Variants in NTRK3 observed in about 807,000 individuals in gnomAD.
NTRK3 encodes NT-3 growth factor receptor.
Under a neutral mutation model 91.7 loss-of-function variants are expected in NTRK3, and 24 were observed. The ratio of observed to expected loss-of-function variants is 0.26; its 90% CI spans 0.19 to 0.37. The LOEUF is 0.37. Ranked by LOEUF, NTRK3 falls within the 10% of genes least tolerant of loss-of-function variation. The pLI is 1.00. For synonymous variants in NTRK3, 483 were observed against 404.0 expected, an observed-to-expected ratio of 1.20 and a Z score of -2.34; for missense variants, 880 against 1,068.9, an observed-to-expected ratio of 0.82 and a Z score of 2.46.
Position 88,233,936 on chromosome 15 carries a change from G to A in NTRK3, c.248+21970C>T, listed in dbSNP as rs559225393. On this transcript the variant is annotated intron_variant, in intron 3 of 18. Coordinates refer to ENST00000394480, the Ensembl canonical transcript of NTRK3. This position sits in a 1 kb window ranked among gnomAD's most constrained non-coding sequence, Gnocchi z 4.2. The stretch of plus-strand genomic sequence containing the variant: ...AAATGTTGAGTCCCACTAGACATGC[G>A]TTGTTTCCTCTTTAATATTTAAACA... Among the ~76,000 whole-genome samples, 1 of 152,344 alleles carries A rather than the reference G, an allele frequency of 6.6e-6. No individual in the cohort carries two copies. The highest frequency in any genetic ancestry group is 2.4e-5 in the African/African-American group (1 of 41,572).
intron 5 of NTRK3, among the ~76,000 whole-genome samples, chr15:88,159,021 C>T (rs28592070): frequency 0.021 from 3,213 of 152,290 alleles, 123 homozygotes; most frequent in African/African-American, 0.072. Context: ...GCCAAGCCCC[C>T]GGGCTGAGAG....
rs750005677 is a variant in NTRK3, at chr15:88,181,897, A to G, written c.395+1521T>C. On this transcript the variant is annotated intron_variant, in intron 5 of 18. Transcript: ENST00000394480. ...CTTTGTGACCCTTGTATGAATTACT[A>G]TGAAAACGGAGACTTCTCAGATGTC... Among the ~76,000 whole-genome samples the G allele has an allele frequency of 1.5e-4, 23 of 152,234 alleles. 1 individual carries two copies. The highest frequency in any genetic ancestry group is 4.3e-4 in the African/African-American group (18 of 41,466).
intron 15 of NTRK3, among the ~76,000 whole-genome samples, chr15:87,939,611 A>T (rs8025262): frequency 6.6e-6 from 1 of 152,292 alleles, no homozygotes; most frequent in African/African-American, 2.4e-5. Flanking sequence ...TGATCCCTCA[A>T]TGCTAAGGAT....
At chr15:87,862,254 C>T (rs925860152) in exon 19 of NTRK3, 1 of 223,668 alleles carries the variant, frequency 4.5e-6, no homozygotes, top group African/African-American at 2.2e-5. Flanking sequence ...ATCTTAGACC[C>T]ACTCCCAAGT....
intron 14 of NTRK3, among the ~76,000 whole-genome samples, chr15:87,972,893 C>G (rs184546946): frequency 6.6e-6 from 1 of 152,166 alleles, no homozygotes; most frequent in South Asian, 2.1e-4. Context: ...GCCTTTGATA[C>G]CAAATCTGAG....
At chr15:88,065,678 G>C (rs756927649) in intron 13 of NTRK3, among the ~76,000 whole-genome samples, 5 of 152,136 alleles carry the variant, frequency 3.3e-5, no homozygotes, top group Non-Finnish European at 7.4e-5. Context: ...GTTCCTATTA[G>C]AAAAGTTCTT....
At chr15:88,014,551 C>T (rs2077097424) in intron 14 of NTRK3, among the ~76,000 whole-genome samples, 1 of 152,190 alleles carries the variant, frequency 6.6e-6, no homozygotes, top group Admixed American at 6.5e-5. Context: ...ACTCCTATTG[C>T]TGGAATAATT....
At chr15:88,018,677 C>T (rs534987995) in intron 14 of NTRK3, among the ~76,000 whole-genome samples, 5 of 152,084 alleles carry the variant, frequency 3.3e-5, no homozygotes, top group Non-Finnish European at 7.4e-5. Context: ...ACATTTTAAC[C>T]ATTCCCTGTG....
At chr15:87,922,737 T>C (rs1007533) in intron 17 of NTRK3, among the ~76,000 whole-genome samples, 81,024 of 151,722 alleles carry the variant, frequency 0.53, 23,444 homozygotes, top group African/African-American at 0.78. Flanking sequence ...TTTCGACATA[T>C]TCTGGATTCC....
intron 13 of NTRK3, among the ~76,000 whole-genome samples, chr15:88,086,526 T>C (rs1253169114): frequency 6.6e-6 from 1 of 152,164 alleles, no homozygotes; most frequent in Non-Finnish European, 1.5e-5. Flanking sequence ...TTTAAAAACA[T>C]GGCTACTAGA....
chr15:88,149,122 A>T (rs1169769514), intron 5 of NTRK3, among the ~76,000 whole-genome samples: 1 of 152,168 alleles, frequency 6.6e-6, no homozygotes, highest in East Asian at 1.9e-4. Context: ...GTAAGATCAC[A>T]TAGGGAGGGA....
chr15:88,104,084 A>G (rs2050451046), intron 13 of NTRK3, among the ~76,000 whole-genome samples: 1 of 152,200 alleles, frequency 6.6e-6, no homozygotes, highest in Admixed American at 6.5e-5. Flanking sequence ...TTTGCCTCCA[A>G]AAGCAGAGCT....
At chr15:88,159,440 T>C (rs2044229443) in intron 5 of NTRK3, among the ~76,000 whole-genome samples, 1 of 152,132 alleles carries the variant, frequency 6.6e-6, no homozygotes, top group Non-Finnish European at 1.5e-5. Context: ...CCAGGCCTCC[T>C]GAGTTTCTGA....
intron 17 of NTRK3, among the ~76,000 whole-genome samples, chr15:87,896,614 ACT>A (rs1180032800): frequency 6.6e-6 from 1 of 151,960 alleles, no homozygotes; most frequent in Non-Finnish European, 1.5e-5. Context: ...ACCTGGTAGA[ACT>A]CTGTGTTCTC....
chr15:88,072,807 G>T (rs1239212515), intron 13 of NTRK3: 2 of 233,076 alleles, frequency 8.6e-6, no homozygotes, highest in Non-Finnish European at 1.7e-5. Flanking sequence ...AAAGCGGGCA[G>T]TGCTGGCTGG....
intron 18 of NTRK3, among the ~76,000 whole-genome samples, chr15:87,878,709 C>T (rs1270398852): frequency 6.6e-6 from 1 of 152,158 alleles, no homozygotes; most frequent in Non-Finnish European, 1.5e-5. Context: ...GGGGAAGTGG[C>T]TGAGGGCAGA....
chr15:88,058,075 G>A (rs1267385744), intron 13 of NTRK3, among the ~76,000 whole-genome samples: 4 of 152,242 alleles, frequency 2.6e-5, no homozygotes, highest in Non-Finnish European at 4.4e-5. Flanking sequence ...GGCTCTGCAA[G>A]CCAATCATTC....
chr15:88,112,163 C>T (rs1169241937), intron 13 of NTRK3, among the ~76,000 whole-genome samples: 3 of 152,154 alleles, frequency 2.0e-5, no homozygotes, highest in Non-Finnish European at 4.4e-5. Flanking sequence ...GCCTTGGCCT[C>T]CCAAAGTGCT....
At chr15:88,119,152 CTA>C (rs1753535270) in intron 13 of NTRK3, among the ~76,000 whole-genome samples, 1 of 151,984 alleles carries the variant, frequency 6.6e-6, no homozygotes, top group South Asian at 2.1e-4. Flanking sequence ...GTAGGGACTT[CTA>C]TGATGATTCA....
Sources: allele counts gnomAD v4.1 joint callset (sites outside exome capture counted in the v4.1 genomes callset), GRCh38; gene constraint gnomAD v4.1.1; non-coding constraint Gnocchi (gnomAD v3.1); transcripts MANE v1.5; gene names NCBI Gene and HGNC (gene_info 2026-07-23, HGNC 2026-07-21).